The following PHACTR4 variants were observed in gnomAD, a reference collection of about 807,000 sequenced individuals.
PHACTR4 encodes the protein phosphatase and actin regulator 4.
In PHACTR4, 51 loss-of-function variants were observed where a neutral mutation model predicts 72.7. The ratio of observed to expected loss-of-function variants is 0.70; its 90% CI spans 0.56 to 0.89. The LOEUF (loss-of-function observed/expected upper bound fraction) is 0.89, where lower values mean the gene tolerates loss of function less well. Ranked by LOEUF, PHACTR4 falls within the 40% of genes least tolerant of loss-of-function variation. The probability of loss-of-function intolerance (pLI) is 0.00; values close to 1 mark genes in which losing one functional copy is unlikely to be tolerated. For synonymous variants in PHACTR4, 255 were observed against 302.5 expected (o/e 0.84, Z 1.63); for missense variants, 731 against 861.8 (o/e 0.85, Z 1.90).
chr1:28,372,138 G>A (rs559497988), intron 1 of PHACTR4, among the ~76,000 whole-genome samples: 14 of 151,254 alleles, frequency 9.3e-5, no homozygotes, highest in African/African-American at 1.9e-4. Context: ...ACCTGCCTCC[G>A]CCTCCCAAAG....
In PHACTR4 at chr1:28,487,730, T is replaced by G. The variant is rs113551559; in HGVS notation, c.1761-1440T>G. Reference sequence around the variant, plus strand: ...TGACAAATTGTAGTTTTTTGTTGTTTTTTTTTTTTTTTTTTTTTTTTTTGA... The same window carrying G: ...TGACAAATTGTAGTTTTTTGTTGTTGTTTTTTTTTTTTTTTTTTTTTTTGA... On this transcript the variant is annotated intron_variant, in intron 9 of 13. Transcript: ENST00000373839. Among the ~76,000 whole-genome samples, 620 of 66,218 alleles carry G rather than the reference T, an allele frequency of 9.4e-3. 15 individuals are homozygous for G. The highest frequency in any genetic ancestry group is 0.014 in the African/African-American group (233 of 16,228). 43.4% of individuals were successfully genotyped at this position (66,218 alleles called of 152,430 possible).
intron 2 of PHACTR4, among the ~76,000 whole-genome samples, chr1:28,457,609 AATAAT>A (rs1658484053): frequency 6.6e-6 from 1 of 151,290 alleles, no homozygotes; most frequent in Admixed American, 6.6e-5. Flanking sequence ...TTTCTAAAAT[AATAAT>A]AATAATAATA....
At chr1:28,456,595 CT>C (rs1348798231) in intron 2 of PHACTR4, among the ~76,000 whole-genome samples, 1 of 151,990 alleles carries the variant, frequency 6.6e-6, no homozygotes, top group African/African-American at 2.4e-5. Context: ...TCGCAAGTAG[CT>C]GGGACTAGGC....
At chr1:28,413,108 G>T (rs1270150227) in intron 2 of PHACTR4, among the ~76,000 whole-genome samples, 2 of 152,178 alleles carry the variant, frequency 1.3e-5, no homozygotes, top group Admixed American at 6.5e-5. Flanking sequence ...CTGGTCCCTG[G>T]TGCCAAAAAG....
intron 9 of PHACTR4, among the ~76,000 whole-genome samples, chr1:28,486,144 G>T (rs1660631282): frequency 6.6e-6 from 1 of 152,038 alleles, no homozygotes; most frequent in Non-Finnish European, 1.5e-5. Context: ...ATCACCTGAG[G>T]TTGGGAGTTC....
chr1:28,457,931 TC>T (rs1658508649), intron 2 of PHACTR4: 2 of 872,532 alleles, frequency 2.3e-6, no homozygotes, highest in Non-Finnish European at 2.8e-6. Flanking sequence ...TTTTTTTTTT[TC>T]CTTTCTTTAA....
chr1:28,479,359 G>T (rs111278468), intron 8 of PHACTR4, among the ~76,000 whole-genome samples: 6 of 150,276 alleles, frequency 4.0e-5, no homozygotes, highest in Non-Finnish European at 8.8e-5. Context: ...GACGGAAGTC[G>T]CAGTGAGCCA....
chr1:28,424,895 A>T (rs1398400555), intron 2 of PHACTR4, among the ~76,000 whole-genome samples: 1 of 151,660 alleles, frequency 6.6e-6, no homozygotes, highest in Non-Finnish European at 1.5e-5. Flanking sequence ...CCAGGTTCAA[A>T]CAATTCTCCC....
chr1:28,434,429 C>G (rs992438581), intron 2 of PHACTR4, among the ~76,000 whole-genome samples: 1 of 151,684 alleles, frequency 6.6e-6, no homozygotes, highest in Non-Finnish European at 1.5e-5. Flanking sequence ...TCAAGTGATT[C>G]TCCTGCCACA....
rs35161369 is a variant in PHACTR4 at position 28,494,198 on chromosome 1, C to CA, written c.2093+1121dup. ...GCAACATAGTAAGACTCCATCCCTA[C>CA]AAAAAAAAAAAAAATCTATTTTTTG... is the stretch of plus-strand genomic sequence containing the variant. On this transcript the variant is annotated intron_variant, in intron 13 of 13. Coordinates refer to ENST00000373839, the MANE Select transcript of PHACTR4 (RefSeq NM_001048183.3). 8.3e-3 allele frequency: 1,128 copies of CA among 135,922 alleles called. 6 individuals are homozygous for CA. Among genetic ancestry groups the CA allele is most frequent in the Non-Finnish European group, 9.2e-3 (569 of 61,858 alleles). 8.4% of individuals were successfully genotyped at this position (135,922 alleles called of 1,614,324 possible). A position where few individuals can be genotyped will look rare whatever the true frequency, so the allele number is the denominator to read the frequency against.
intron 1 of PHACTR4, among the ~76,000 whole-genome samples, chr1:28,395,638 CTTT>C (rs67388349): frequency 2.7e-5 from 3 of 112,428 alleles, no homozygotes; most frequent in Non-Finnish European, 5.3e-5. Context: ...TTAAGCATAA[CTTT>C]TTTTTTTTTT....
At chr1:28,435,325 C>T (rs1413483843) in intron 2 of PHACTR4, among the ~76,000 whole-genome samples, 1 of 152,130 alleles carries the variant, frequency 6.6e-6, no homozygotes, top group Non-Finnish European at 1.5e-5. Context: ...AGTGCGGTGG[C>T]ATGATCATGG....
chr1:28,397,083 G>T (rs1306375860), intron 1 of PHACTR4, among the ~76,000 whole-genome samples: 4 of 152,030 alleles, frequency 2.6e-5, no homozygotes, highest in African/African-American at 7.2e-5. Context: ...TCATTATCTT[G>T]ATGGTGTTTT....
intron 4 of PHACTR4, among the ~76,000 whole-genome samples, chr1:28,462,693 C>A (rs2124476528): frequency 6.6e-6 from 1 of 152,222 alleles, no homozygotes; most frequent in East Asian, 1.9e-4. Flanking sequence ...TTCTATTAGC[C>A]CCTAATCCAA....
intron 6 of PHACTR4, among the ~76,000 whole-genome samples, chr1:28,473,275 CA>C (rs759485996): frequency 0.33 from 27,494 of 82,360 alleles, 2,209 homozygotes; most frequent in Middle Eastern, 0.46. Flanking sequence ...GACCCTGTCT[CA>C]AAAAAAAAAA....
intron 2 of PHACTR4, among the ~76,000 whole-genome samples, chr1:28,421,435 T>TG (rs1248432246): frequency 6.6e-6 from 1 of 152,208 alleles, no homozygotes; most frequent in East Asian, 1.9e-4. Context: ...TGTTTTATCT[T>TG]GCGGTAGCCA....
At chr1:28,400,215 A>G (rs1172186042) in intron 1 of PHACTR4, among the ~76,000 whole-genome samples, 1 of 152,062 alleles carries the variant, frequency 6.6e-6, no homozygotes, top group Non-Finnish European at 1.5e-5. Flanking sequence ...TCTTCTAAAA[A>G]TACAAAAATT....
intron 4 of PHACTR4, among the ~76,000 whole-genome samples, chr1:28,462,601 A>G (rs1404808489): frequency 6.6e-6 from 1 of 151,998 alleles, no homozygotes; most frequent in Non-Finnish European, 1.5e-5. Flanking sequence ...CCTGAGCTCA[A>G]GTGATCCACC....
At chr1:28,447,474 C>G (rs1419761557) in intron 2 of PHACTR4, among the ~76,000 whole-genome samples, 1 of 151,020 alleles carries the variant, frequency 6.6e-6, no homozygotes, top group Non-Finnish European at 1.5e-5. Context: ...ACTACAACCT[C>G]TGCCTCCTGG....
Sources: allele counts gnomAD v4.1 joint callset (sites outside exome capture counted in the v4.1 genomes callset), GRCh38; gene constraint gnomAD v4.1.1; transcripts MANE v1.5; gene names NCBI Gene and HGNC (gene_info 2026-07-23, HGNC 2026-07-21).